MYDGF: variants seen among roughly 807,000 people sequenced by gnomAD.
The protein encoded by MYDGF is myeloid-derived growth factor.
Under a neutral mutation model 24.2 loss-of-function variants are expected in MYDGF, and 29 were observed. That is an observed-to-expected ratio of 1.20 (90% CI 0.89 to 1.63). The LOEUF is 1.63. Among genes scored for constraint, MYDGF ranks in the 40% most tolerant of loss-of-function variants. The pLI is 0.00. For synonymous variants in MYDGF, 105 were observed against 102.5 expected, an observed-to-expected ratio of 1.02 and a Z score of -0.15; for missense variants, 245 against 234.8, an observed-to-expected ratio of 1.04 and a Z score of -0.29.
intron 2 of MYDGF, among the ~76,000 whole-genome samples, chr19:4,665,621 A>C (rs528510437): frequency 6.6e-6 from 1 of 152,050 alleles, no homozygotes; most frequent in South Asian, 2.1e-4. Flanking sequence ...GGAGATCAAG[A>C]CCATCCTGGC....
At chr19:4,660,590 C>T in intron 4 of MYDGF, 79 bp downstream of exon 4, 2 of 1,352,056 alleles carry the variant, frequency 1.5e-6, no homozygotes, top group Admixed American at 1.7e-5. Context: ...CCATGGAGCC[C>T]TCTTGTGGCA....
chr19:4,660,604 C>T (rs2145182905), intron 4 of MYDGF, 65 bp downstream of exon 4: 1 of 1,438,078 alleles, frequency 7.0e-7, no homozygotes, highest in Non-Finnish European at 9.8e-7. Flanking sequence ...TGTGGCAGGA[C>T]ATCTCACAGC....
At chr19:4,668,550 A>G (rs773680717) in intron 2 of MYDGF, 45 bp downstream of exon 2, 2 of 1,547,368 alleles carry the variant, frequency 1.3e-6, no homozygotes, top group Non-Finnish European at 1.8e-6. Flanking sequence ...CCCTACAACA[A>G]TGGATACTGT....
At chr19:4,669,548 G>A (rs2088546865) in intron 1 of MYDGF, among the ~76,000 whole-genome samples, 1 of 152,132 alleles carries the variant, frequency 6.6e-6, no homozygotes, top group Non-Finnish European at 1.5e-5. Context: ...AACCCAGAAG[G>A]CTAAGGATGC....
chr19:4,669,214 C>T (rs2088543962), intron 1 of MYDGF, among the ~76,000 whole-genome samples: 1 of 152,234 alleles, frequency 6.6e-6, no homozygotes, highest in South Asian at 2.1e-4. Context: ...TGGCTCACGC[C>T]TGTAATCCCA....
At chr19:4,664,124 C>T (rs1313708843) in intron 3 of MYDGF, among the ~76,000 whole-genome samples, 1 of 151,960 alleles carries the variant, frequency 6.6e-6, no homozygotes, top group South Asian at 2.1e-4. Context: ...GTCCAGGACA[C>T]GCCCATCCAC....
At position 4,670,203 on chromosome 19, in the gene MYDGF, G is replaced by A. The variant is rs773564623; in HGVS notation, c.132C>T (p.Pro44=). The A allele has an allele frequency of 6.4e-6, 10 of 1,559,944 alleles. No individual in the cohort carries two copies. Among genetic ancestry groups the A allele is most frequent in the African/African-American group, 1.4e-5 (1 of 70,488 alleles). The change falls in exon 1 of 6, where the codon CCC becomes CCT. Residue 44 remains proline (P), a synonymous_variant. Transcript: ENST00000262947. ...GGGAGAAGGAATGCACGACGCCGCC[G>A]GGCCGCACGTCAAACGCCACCGTCG... The part of the protein sequence containing the change: ...EPTTVAFDVR[P]GGVVHSFSHN...
At position 4,658,011 on chromosome 19, in the gene MYDGF, C is replaced by G; in HGVS notation, c.516G>C (p.Glu172Asp). ...CCCGCAACAGGGCTGCTGGTCACAG[C>G]TCAGTGCGCGATGCCTTGGCCACAA... ...LVIVAKASRT[E>D]L is the part of the protein sequence containing the mutation. The change falls in exon 6 of 6, where the codon GAG becomes GAC. Residue 172 changes from glutamate to aspartate, a missense_variant. Physicochemically the swap from Glu to Asp is conservative, Grantham distance 45 (BLOSUM62 2). Transcript: ENST00000262947. The G allele has an allele frequency of 6.2e-7, 1 of 1,609,632 alleles. No individual in the cohort carries two copies. Among genetic ancestry groups the G allele is most frequent in the Non-Finnish European group, 8.5e-7 (1 of 1,178,726 alleles).
chr19:4,670,123 G>A lies in MYDGF; in HGVS notation c.174+38C>T, dbSNP rs569468163. 1.8e-5 allele frequency: 26 copies of A among 1,441,366 alleles called. No homozygotes were observed. In the South Asian group the frequency reaches 3.0e-4, roughly 17 times the overall value. 89.3% of individuals were successfully genotyped at this position (1,441,366 alleles called of 1,614,324 possible). A position where few individuals can be genotyped will look rare whatever the true frequency, so the allele number is the denominator to read the frequency against. ...TGCTCCGCGCCCCCTCCCCGGGCCT[G>A]CCAGCACTCAAATATCCGGGACGGC... is the stretch of plus-strand genomic sequence containing the variant. On this transcript the variant is annotated intron_variant, in intron 1 of 5. Coordinates refer to ENST00000262947, the MANE Select transcript of MYDGF (RefSeq NM_019107.4).
chr19:4,658,574 C>G (rs1424149599), intron 5 of MYDGF, among the ~76,000 whole-genome samples: 1 of 152,114 alleles, frequency 6.6e-6, no homozygotes, highest in East Asian at 1.9e-4. Context: ...GTGTCCACTC[C>G]CTTGGCTCCC....
At chr19:4,668,505 T>G in intron 2 of MYDGF, 90 bp downstream of exon 2, 2 of 1,154,702 alleles carry the variant, frequency 1.7e-6, no homozygotes, top group Non-Finnish European at 2.6e-6. Flanking sequence ...GTGATATAGG[T>G]GAGACCCAAC....
At chr19:4,668,569 G>C (rs2088537786) in intron 2 of MYDGF, 26 bp downstream of exon 2, 1 of 1,594,272 alleles carries the variant, frequency 6.3e-7, no homozygotes, top group Non-Finnish European at 8.6e-7. Flanking sequence ...GTCACAGTAA[G>C]CTAGAGGGAA....
In MYDGF at chr19:4,664,935, T is replaced by C. The variant is rs1425074797; in HGVS notation, c.228A>G (p.Gln76=). The C allele has an allele frequency of 6.2e-6, 10 of 1,612,724 alleles. No homozygotes were observed. The highest frequency in any genetic ancestry group is 7.6e-6 in the Non-Finnish European group (9 of 1,179,726). ...CGCTGGTCCCCAGACTCATCTGCCATTGCTGGGGAGAGAAGACAGCGCGGG... is the reference window on the plus strand; with the variant it reads ...CGCTGGTCCCCAGACTCATCTGCCACTGCTGGGGAGAGAAGACAGCGCGGG... ...TYASQGGTNE[Q]WQMSLGTSED... The change falls in exon 3 of 6, where the codon CAA becomes CAG. Residue 76 remains glutamine, a splice_region_variant and synonymous_variant. Coordinates refer to ENST00000262947, the MANE Select transcript of MYDGF (RefSeq NM_019107.4).
chr19:4,669,574 C>T (rs2088547141), intron 1 of MYDGF, among the ~76,000 whole-genome samples: 1 of 152,112 alleles, frequency 6.6e-6, no homozygotes, highest in African/African-American at 2.4e-5. Flanking sequence ...GCCGAGATCC[C>T]GCCACTGCAC....
At chr19:4,666,277 CTTTTTTT>C (rs556392738) in intron 2 of MYDGF, among the ~76,000 whole-genome samples, 1 of 141,534 alleles carries the variant, frequency 7.1e-6, no homozygotes, top group Non-Finnish European at 1.6e-5. Context: ...TACAGTTTTA[CTTTTTTT>C]TTTTTTTTTG....
chr19:4,662,154 C>T (rs553703127), intron 3 of MYDGF, among the ~76,000 whole-genome samples: 10 of 152,170 alleles, frequency 6.6e-5, no homozygotes, highest in Non-Finnish European at 1.0e-4. Flanking sequence ...GTTTGTAAAG[C>T]GCCCCGCAGG....
intron 4 of MYDGF, 164 bp downstream of exon 4, chr19:4,660,505 G>A (rs1333640891): frequency 9.8e-6 from 6 of 615,194 alleles, no homozygotes; most frequent in African/African-American, 1.9e-5. Flanking sequence ...TGGCCTGGGG[G>A]CGTCTGTGTG....
intron 3 of MYDGF, 141 bp downstream of exon 3, chr19:4,664,735 C>T: frequency 3.4e-6 from 3 of 893,142 alleles, no homozygotes; most frequent in South Asian, 1.7e-5. Flanking sequence ...CCACCCCCCA[C>T]CTGCACGTGC....
intron 2 of MYDGF, among the ~76,000 whole-genome samples, chr19:4,665,807 C>A (rs1411029136): frequency 4.3e-5 from 5 of 117,026 alleles, no homozygotes; most frequent in African/African-American, 5.9e-5. Context: ...GGCGACAGAG[C>A]GAGACTCTGT....
Sources: gnomAD v4.1 joint callset for allele counts (sites outside exome capture counted in the v4.1 genomes callset) on GRCh38, gnomAD v4.1.1 for gene constraint, MANE v1.5 for transcripts, NCBI Gene and HGNC (gene_info 2026-07-23, HGNC 2026-07-21) for gene names.